Variants in CRISPLD2 observed in about 807,000 individuals in gnomAD.
CRISPLD2 encodes the protein cysteine-rich secretory protein LCCL domain-containing 2.
In CRISPLD2, 47 loss-of-function variants were observed where a neutral mutation model predicts 71.1. The observed-to-expected ratio is 0.66, with a 90% CI of 0.52 to 0.84. CRISPLD2 has a LOEUF of 0.84. Among genes scored for constraint, CRISPLD2 ranks in the 40% least tolerant of loss-of-function variants. The pLI is 0.00. For synonymous variants in CRISPLD2, 317 were observed against 250.1 expected (o/e 1.27, Z -2.52); for missense variants, 830 against 651.1 (o/e 1.27, Z -2.99).
At chr16:84,857,845 G>C (rs1476667773) in intron 6 of CRISPLD2, among the ~76,000 whole-genome samples, 1 of 152,188 alleles carries the variant, frequency 6.6e-6, no homozygotes, top group Non-Finnish European at 1.5e-5. Flanking sequence ...TAACTAACTT[G>C]TGCTTTCAGG....
intron 14 of CRISPLD2, among the ~76,000 whole-genome samples, chr16:84,895,863 C>T (rs1290456107): frequency 6.6e-6 from 1 of 152,052 alleles, no homozygotes; most frequent in Non-Finnish European, 1.5e-5. Flanking sequence ...TACAGTGTCC[C>T]TAAGGAGTGG....
intron 2 of CRISPLD2, among the ~76,000 whole-genome samples, chr16:84,841,424 T>A (rs1268542452): frequency 6.6e-6 from 1 of 152,002 alleles, no homozygotes; most frequent in African/African-American, 2.4e-5. Flanking sequence ...GTGAGGCCAT[T>A]GGAAGAGGTC....
intron 14 of CRISPLD2, among the ~76,000 whole-genome samples, chr16:84,891,701 A>G (rs2071664274): frequency 6.6e-6 from 1 of 152,174 alleles, no homozygotes; most frequent in Non-Finnish European, 1.5e-5. Flanking sequence ...TGAGAACATC[A>G]CAGCAGTGCC....
At chr16:84,842,292 CTCCCCGCCTGCCTGCCTGCCCGCCCTCCG>C (rs916219260) in intron 2 of CRISPLD2, 2 of 149,086 alleles carry the variant, frequency 1.3e-5, no homozygotes, top group Non-Finnish European at 3.0e-5. Flanking sequence ...CCCTCCCTCC[CTCCCCGCCTGCCTGCCTGCCCGCCCTCCG>C]TCCCTCCCTC....
intron 6 of CRISPLD2, among the ~76,000 whole-genome samples, chr16:84,857,197 C>T (rs1373438772): frequency 2.0e-5 from 3 of 152,222 alleles, no homozygotes; most frequent in African/African-American, 7.2e-5. Flanking sequence ...TGAGCCCATG[C>T]ATAACCTCCA....
chr16:84,866,710 T>C (rs1473249161), intron 6 of CRISPLD2, among the ~76,000 whole-genome samples, 187 bp from the exon 7 acceptor site: 1 of 152,208 alleles, frequency 6.6e-6, no homozygotes, highest in African/African-American at 2.4e-5. Context: ...CCCCGTCTCA[T>C]CTGGGCTGGT....
Position 84,904,595 on chromosome 16 carries a change from AAAAAAAAAATTT to A in CRISPLD2, c.1440-1983_1440-1972del, listed in dbSNP as rs1424462777. On this transcript the variant is annotated intron_variant, in intron 14 of 14. Coordinates refer to ENST00000262424, the MANE Select transcript of CRISPLD2 (RefSeq NM_031476.4). ...CGAGACTCGGTCTCAAAAAAAGGTA[AAAAAAAAAATTT>A]AAAAAAAAAATTAAAAAAAAAAATG... Among the ~76,000 whole-genome samples the A allele has an allele frequency of 7.4e-5, 11 of 148,888 alleles. No individual in the cohort carries two copies. The East Asian group carries it at 9.7e-4, about 13-fold the overall frequency.
At position 84,892,620 on chromosome 16, in the gene CRISPLD2, G is replaced by A. The variant is rs114233556; in HGVS notation, c.1439+3257G>A. On this transcript the variant is annotated intron_variant, in intron 14 of 14. Coordinates refer to ENST00000262424, the MANE Select transcript of CRISPLD2 (RefSeq NM_031476.4). ...TGAGCCCGTTTGGAGATGTGCATAA[G>A]TGTGAAAAACACACCGCATCTTCAA... Among the ~76,000 whole-genome samples, 467 of 152,186 alleles carry A rather than the reference G, an allele frequency of 3.1e-3. 4 individuals carry two copies. Among genetic ancestry groups the A allele is most frequent in the African/African-American group, 0.011 (456 of 41,520 alleles).
At chr16:84,830,449 A>G (rs1916460341) in intron 1 of CRISPLD2, among the ~76,000 whole-genome samples, 3 of 152,222 alleles carry the variant, frequency 2.0e-5, no homozygotes, top group Non-Finnish European at 4.4e-5. Context: ...CACGCCTGTA[A>G]TCTTGGCACT....
At chr16:84,827,098 C>T (rs1042409201) in intron 1 of CRISPLD2, among the ~76,000 whole-genome samples, 32 of 152,038 alleles carry the variant, frequency 2.1e-4, no homozygotes, top group Non-Finnish European at 3.8e-4. Flanking sequence ...AGAGCCTGGC[C>T]GGCCCCCAGA....
At position 84,906,719 on chromosome 16, in the gene CRISPLD2, G is replaced by A. The variant is rs749661522; in HGVS notation, c.*77G>A. On this transcript the variant is annotated 3_prime_UTR_variant, in exon 15 of 15. Transcript: ENST00000262424. ...GCTTTTATTTTTATTTTGTCATTGC[G>A]GGGTATATGGAGAGTCAGGAAACTT... The A allele has an allele frequency of 9.9e-6, 15 of 1,513,602 alleles. No individual in the cohort carries two copies. The highest frequency in any genetic ancestry group is 9.6e-5 in the African/African-American group (7 of 72,906). 93.8% of individuals were successfully genotyped at this position (1,513,602 alleles called of 1,614,324 possible). A position where few individuals can be genotyped will look rare whatever the true frequency, so the allele number is the denominator to read the frequency against.
chr16:84,837,383 C>T (rs1053845391), intron 1 of CRISPLD2, among the ~76,000 whole-genome samples: 3 of 150,112 alleles, frequency 2.0e-5, no homozygotes, highest in Admixed American at 6.6e-5. Flanking sequence ...CGGCCCTGGG[C>T]TTGTCTTGTC....
intron 6 of CRISPLD2, among the ~76,000 whole-genome samples, chr16:84,859,779 T>G (rs1917333690): frequency 6.6e-6 from 1 of 152,258 alleles, no homozygotes; most frequent in African/African-American, 2.4e-5. Flanking sequence ...TGATTGCTGC[T>G]TTGCCTCTGC....
chr16:84,840,094 C>G (rs999678697), intron 2 of CRISPLD2: 3 of 151,982 alleles, frequency 2.0e-5, no homozygotes, highest in Non-Finnish European at 4.4e-5. Context: ...ATCATCATGT[C>G]TTTGGAATGC....
chr16:84,839,776 T>A (rs1916722405), intron 2 of CRISPLD2: 2 of 152,180 alleles, frequency 1.3e-5, no homozygotes, highest in African/African-American at 2.4e-5. Context: ...AATGGCTTTT[T>A]AAACAAACCC....
At position 84,907,578 on chromosome 16, in the gene CRISPLD2, T is replaced by C. The variant is rs2071815054; in HGVS notation, c.*936T>C. On this transcript the variant is annotated 3_prime_UTR_variant, in exon 15 of 15. Coordinates refer to ENST00000262424, the MANE Select transcript of CRISPLD2 (RefSeq NM_031476.4). ...AACTCCTGGTCTCGTAAGGTTCCAC[T>C]GAGACGAGATGTCTGAGAACAACCA... 1.3e-5 allele frequency: 2 copies of C among 152,242 alleles called. No individual in the cohort carries two copies. Among genetic ancestry groups the C allele is most frequent in the Non-Finnish European group, 2.9e-5 (2 of 68,044 alleles). 9.4% of individuals were successfully genotyped at this position (152,242 alleles called of 1,614,324 possible).
chr16:84,872,414 G>A (rs1567696375), intron 8 of CRISPLD2, 28 bp from the exon 9 acceptor site: 1 of 1,598,138 alleles, frequency 6.3e-7, no homozygotes. Context: ...GCTTATCTCT[G>A]AACATCATTT....
chr16:84,835,768 C>A (rs1916603280), intron 1 of CRISPLD2, among the ~76,000 whole-genome samples: 1 of 152,228 alleles, frequency 6.6e-6, no homozygotes, highest in Non-Finnish European at 1.5e-5. Flanking sequence ...GAAGGACCAG[C>A]CTCTAAGCTG....
chr16:84,829,232 T>TC (rs1258849604), intron 1 of CRISPLD2: 1 of 152,378 alleles, frequency 6.6e-6, no homozygotes, highest in African/African-American at 2.4e-5. Flanking sequence ...GGGAAGGAGC[T>TC]GGAGCTGGAC....
Sources: gnomAD v4.1 joint callset for allele counts (sites outside exome capture counted in the v4.1 genomes callset) on GRCh38, gnomAD v4.1.1 for gene constraint, MANE v1.5 for transcripts, NCBI Gene and HGNC (gene_info 2026-07-23, HGNC 2026-07-21) for gene names.